EGR3: variants seen among roughly 807,000 people sequenced by gnomAD.
EGR3 encodes early growth response protein 3.
A neutral mutation model predicts 22.4 loss-of-function variants in EGR3; 4 were observed. That is an observed-to-expected ratio of 0.18 (90% CI 0.09 to 0.41). The LOEUF (loss-of-function observed/expected upper bound fraction) is 0.41, where lower values mean the gene tolerates loss of function less well. Among genes scored for constraint, EGR3 ranks in the 10% least tolerant of loss-of-function variants. The pLI, the probability that EGR3 is intolerant of heterozygous loss-of-function variation, is 1.00. For synonymous variants in EGR3, 219 were observed against 226.8 expected (o/e 0.97, Z 0.31); for missense variants, 315 against 541.3 (o/e 0.58, Z 4.15).
In EGR3 at chr8:22,692,153, C is replaced by A; in HGVS notation, c.154+638G>T. The A allele has an allele frequency of 1.5e-6, 2 of 1,377,724 alleles. No individual in the cohort carries two copies. The highest frequency in any genetic ancestry group is 1.9e-6 in the Non-Finnish European group (2 of 1,070,730). 85.3% of individuals were successfully genotyped at this position (1,377,724 alleles called of 1,614,324 possible). On this transcript the variant is annotated intron_variant, in intron 1 of 1. Transcript: ENST00000317216. This position sits in a 1 kb window ranked among gnomAD's most constrained non-coding sequence, Gnocchi z 6.2. Reference sequence around the variant, plus strand: ...GGAAAACCGGCCGGTGTCTCCATGGCGGGAGAGGCCGCCCTTCCCCAGCTC... The same window carrying A: ...GGAAAACCGGCCGGTGTCTCCATGGAGGGAGAGGCCGCCCTTCCCCAGCTC...
In EGR3 at chr8:22,692,500, T is replaced by C; in HGVS notation, c.154+291A>G. ...AACCCCAGAGCCGCTCGCACCTACC[T>C]CCCTCCGGTCGGCGGCTGCCCCCAC... is the stretch of plus-strand genomic sequence containing the variant. On this transcript the variant is annotated intron_variant, in intron 1 of 1. Coordinates refer to ENST00000317216, the MANE Select transcript of EGR3 (RefSeq NM_004430.3). The surrounding 1 kb of genome is among the most constrained non-coding windows in gnomAD (Gnocchi z 6.2). 1 of 1,407,222 alleles carries C rather than the reference T, an allele frequency of 7.1e-7. No individual in the cohort carries two copies. The allele number at this position is 1,407,222 out of a possible 1,614,324, so 87.2% of individuals were successfully genotyped here.
At chr8:22,691,986 C>G (rs375421994) in intron 1 of EGR3, 8 of 1,276,058 alleles carry the variant, frequency 6.3e-6, no homozygotes, top group East Asian at 6.2e-5. Context: ...GACGCTTTGT[C>G]CTCGGAGCGT....
At position 22,692,077 on chromosome 8, in the gene EGR3, T is replaced by C; in HGVS notation, c.155-595A>G. On this transcript the variant is annotated intron_variant, in intron 1 of 1. Coordinates refer to ENST00000317216, the MANE Select transcript of EGR3 (RefSeq NM_004430.3). This position sits in a 1 kb window ranked among gnomAD's most constrained non-coding sequence, Gnocchi z 6.2. ...CCTCGGGCATGAAGGAGCTTTAGGC[T>C]CTTGCTGGAGGGGAAAATCCTAGCC... 7.4e-7 allele frequency: 1 copy of C among 1,345,730 alleles called. No homozygotes were observed. The highest frequency in any genetic ancestry group is 3.1e-5 in the East Asian group (1 of 32,774). 83.4% of individuals were successfully genotyped at this position (1,345,730 alleles called of 1,614,324 possible).
rs1390479216 is a variant in EGR3 at position 22,692,777 on chromosome 8, C to T, written c.154+14G>A. 1 of 1,613,226 alleles carries T rather than the reference C, an allele frequency of 6.2e-7. No individual in the cohort carries two copies. Among genetic ancestry groups the T allele is most frequent in the African/African-American group, 1.3e-5 (1 of 74,902 alleles). ...TCCTTCCTCGCTGCCTCGCCGCCTC[C>T]CCGCCGCCCTTACCTGTAGCCATCT... On this transcript the variant is annotated intron_variant, in intron 1 of 1. Coordinates refer to ENST00000317216, the MANE Select transcript of EGR3 (RefSeq NM_004430.3). The surrounding 1 kb of genome is among the most constrained non-coding windows in gnomAD (Gnocchi z 6.2).
Position 22,692,841 on chromosome 8 carries a change from A to G in EGR3, c.104T>C (p.Leu35Pro). The change falls in exon 1 of 2, where the codon CTC (leucine) becomes CCC (proline). Residue 35 changes from leucine to proline, a missense_variant. Leu to Pro is a moderately conservative substitution (Grantham distance 98, BLOSUM62 -3). Around this residue, in one of 4 missense-constraint regions of EGR3, gnomAD observed 227 missense variants for 303.6 expected, o/e 0.75. Transcript: ENST00000317216. This position sits in a 1 kb window ranked among gnomAD's most constrained non-coding sequence, Gnocchi z 6.2. Reference sequence around the variant, plus strand: ...TACCGAGTCGCTGCTGCCGGAGAAGAGGTTGAGCGCGCTGGGGATCTCCTC... The same window carrying G: ...TACCGAGTCGCTGCTGCCGGAGAAGGGGTTGAGCGCGCTGGGGATCTCCTC... ...YPEEIPSALN[L>P]FSGSSDSVVH... The G allele has an allele frequency of 6.2e-7, 1 of 1,612,680 alleles. No homozygotes were observed. The highest frequency in any genetic ancestry group is 1.1e-5 in the South Asian group (1 of 91,000).
rs1187673526 is a variant in EGR3 at position 22,692,647 on chromosome 8, CTCCA to C, written c.154+140_154+143del. ...CAAAATTCCCAGCGCGCCCCCATCT[CTCCA>C]TCCATTTATCTATCCACCCATCCAC... is the stretch of plus-strand genomic sequence containing the variant. On this transcript the variant is annotated intron_variant, in intron 1 of 1. Coordinates refer to ENST00000317216, the MANE Select transcript of EGR3 (RefSeq NM_004430.3). This position sits in a 1 kb window ranked among gnomAD's most constrained non-coding sequence, Gnocchi z 6.2. 1.4e-6 allele frequency: 2 copies of C among 1,438,120 alleles called. No individual in the cohort carries two copies. Among genetic ancestry groups the C allele is most frequent in the African/African-American group, 1.4e-5 (1 of 70,236 alleles). 89.1% of individuals were successfully genotyped at this position (1,438,120 alleles called of 1,614,324 possible). A position where few individuals can be genotyped will look rare whatever the true frequency, so the allele number is the denominator to read the frequency against.
chr8:22,693,013 C>T lies in EGR3; in HGVS notation c.-69G>A, dbSNP rs1804023024. On this transcript the variant is annotated 5_prime_UTR_variant, in exon 1 of 2. The change creates a premature stop within an existing upstream ORF in the 5' untranslated region. Coordinates refer to ENST00000317216, the MANE Select transcript of EGR3 (RefSeq NM_004430.3). ...CGCCGCTCGCTCCTAACGCAGCTTC[C>T]AGGCAAGCGGCATCCGAGAGGCGAT... 6.6e-7 allele frequency: 1 copy of T among 1,521,784 alleles called. No individual in the cohort carries two copies. Among genetic ancestry groups the T allele is most frequent in the Non-Finnish European group, 8.8e-7 (1 of 1,137,400 alleles). 94.3% of individuals were successfully genotyped at this position (1,521,784 alleles called of 1,614,324 possible). A position where few individuals can be genotyped will look rare whatever the true frequency, so the allele number is the denominator to read the frequency against.
In EGR3 at chr8:22,688,794, T is replaced by C. The variant is rs1803847687; in HGVS notation, c.*1679A>G. The C allele has an allele frequency of 6.6e-6, 1 of 152,602 alleles. No individual in the cohort carries two copies. Among genetic ancestry groups the C allele is most frequent in the African/African-American group, 2.4e-5 (1 of 41,412 alleles). The allele number at this position is 152,602 out of a possible 1,614,324, so 9.5% of individuals were successfully genotyped here. The stretch of plus-strand genomic sequence containing the variant: ...CTGTGGCAGAGAGCAACCTTCCCTA[T>C]TACTCCACTTCAAAGGAGCCACCCT... On this transcript the variant is annotated 3_prime_UTR_variant, in exon 2 of 2. Coordinates refer to ENST00000317216, the MANE Select transcript of EGR3 (RefSeq NM_004430.3).
Position 22,692,356 on chromosome 8 carries a change from T to C in EGR3, c.154+435A>G. On this transcript the variant is annotated intron_variant, in intron 1 of 1. Transcript: ENST00000317216. The surrounding 1 kb of genome is among the most constrained non-coding windows in gnomAD (Gnocchi z 6.2). ...CATGGCTCCATCCCGGGTGGGAGGC[T>C]GAGGGAGTAAGGGGGGAGAGCGCGG... 6.7e-7 allele frequency: 1 copy of C among 1,498,146 alleles called. No homozygotes were observed. Among genetic ancestry groups the C allele is most frequent in the Non-Finnish European group, 8.8e-7 (1 of 1,130,412 alleles). The allele number at this position is 1,498,146 out of a possible 1,614,324, so 92.8% of individuals were successfully genotyped here. A position where few individuals can be genotyped will look rare whatever the true frequency, so the allele number is the denominator to read the frequency against.
Position 22,692,220 on chromosome 8 carries a change from C to T in EGR3, c.154+571G>A. The T allele has an allele frequency of 2.0e-5, 28 of 1,432,486 alleles. No individual in the cohort carries two copies. The highest frequency in any genetic ancestry group is 2.5e-5 in the Non-Finnish European group (28 of 1,099,434). The allele number at this position is 1,432,486 out of a possible 1,614,324, so 88.7% of individuals were successfully genotyped here. A position where few individuals can be genotyped will look rare whatever the true frequency, so the allele number is the denominator to read the frequency against. On this transcript the variant is annotated intron_variant, in intron 1 of 1. Coordinates refer to ENST00000317216, the MANE Select transcript of EGR3 (RefSeq NM_004430.3). This position sits in a 1 kb window ranked among gnomAD's most constrained non-coding sequence, Gnocchi z 6.2. ...TTCCCCGTGGCAGGCCCTCGCCCCGCGGGTGAACCCCCTCCTTCTCCCCGC... is the reference window on the plus strand; with the variant it reads ...TTCCCCGTGGCAGGCCCTCGCCCCGTGGGTGAACCCCCTCCTTCTCCCCGC...
rs1585221503 is a variant in EGR3 at position 22,690,693 on chromosome 8, C to T, written c.944G>A (p.Ser315Asn). 1 of 1,614,042 alleles carries T rather than the reference C, an allele frequency of 6.2e-7. No homozygotes were observed. The highest frequency in any genetic ancestry group is 1.3e-5 in the African/African-American group (1 of 75,070). The change falls in exon 2 of 2, where the codon AGC becomes AAC. Residue 315 changes from serine to asparagine, a missense_variant. By Grantham distance (46) the Ser-to-Asn change is conservative (BLOSUM62 1). Coordinates refer to ENST00000317216, the MANE Select transcript of EGR3 (RefSeq NM_004430.3). ...FQCRICMRSF[S>N]RSDHLTTHIR... is the part of the protein sequence containing the mutation. ...GTGAGTGGTGAGGTGGTCGCTGCGG[C>T]TGAAGCTCCGCATGCAGATCCGGCA...
Position 22,691,382 on chromosome 8 carries a change from G to A in EGR3, c.255C>T (p.Tyr85=), listed in dbSNP as rs1803950845. The change falls in exon 2 of 2, where the codon TAC becomes TAT. Residue 85 remains tyrosine, a synonymous_variant. Transcript: ENST00000317216. Reference sequence around the variant, plus strand: ...GGGAGTCGAAGGCGAACTTTCCCAAGTAGGTCACGGTCTTGTTGCCGGGGG... The same window carrying A: ...GGGAGTCGAAGGCGAACTTTCCCAAATAGGTCACGGTCTTGTTGCCGGGGG... The part of the protein sequence containing the change: ...QPAPGNKTVT[Y]LGKFAFDSPS... 5 of 1,614,194 alleles carry A rather than the reference G, an allele frequency of 3.1e-6. No individual in the cohort carries two copies. The highest frequency in any genetic ancestry group is 3.4e-6 in the Non-Finnish European group (4 of 1,180,030).
At position 22,690,740 on chromosome 8, in the gene EGR3, G is replaced by A. The variant is rs371762407; in HGVS notation, c.897C>T (p.His299=). ...SDELTRHLRI[H]TGHKPFQCRI... ...GGCACTGGAAGGGCTTGTGGCCCGT[G>A]TGGATGCGCAGGTGCCGGGTCAGCT... The change falls in exon 2 of 2, where the codon CAC becomes CAT. Residue 299 remains histidine (H), a synonymous_variant. Transcript: ENST00000317216. 2.2e-5 allele frequency: 36 copies of A among 1,614,000 alleles called. No individual in the cohort carries two copies. In the African/African-American group the frequency reaches 4.0e-4, roughly 18 times the overall value.
chr8:22,690,620 C>T lies in EGR3; in HGVS notation c.1017G>A (p.Gly339=), dbSNP rs200707775. The T allele has an allele frequency of 5.5e-5, 89 of 1,613,972 alleles. No individual in the cohort carries two copies. The highest frequency in any genetic ancestry group is 2.2e-4 in the East Asian group (10 of 44,888). Residue 339 remains glycine (G), a synonymous_variant, in exon 2 of 2, where the codon GGG becomes GGA. Transcript: ENST00000317216. ...GEKPFACEFC[G]RKFARSDERK... ...GCTCGTCGCTGCGCGCAAACTTGCGCCCGCAGAACTCGCAGGCAAAGGGCT... is the reference window on the plus strand; with the variant it reads ...GCTCGTCGCTGCGCGCAAACTTGCGTCCGCAGAACTCGCAGGCAAAGGGCT...
At position 22,690,796 on chromosome 8, in the gene EGR3, C is replaced by T; in HGVS notation, c.841G>A (p.Gly281Ser). ...GAACGGCTGAAACGGCGGTCGCAGCCCTCGGCCGGGCACGCGTGGGGCCGT... is the reference window on the plus strand; with the variant it reads ...GAACGGCTGAAACGGCGGTCGCAGCTCTCGGCCGGGCACGCGTGGGGCCGT... ...HERPHACPAE[G>S]CDRRFSRSDE... The change falls in exon 2 of 2, where the codon GGC becomes AGC. Residue 281 changes from glycine to serine, a missense_variant. Physicochemically the swap from Gly to Ser is moderately conservative, Grantham distance 56. Coordinates refer to ENST00000317216, the MANE Select transcript of EGR3 (RefSeq NM_004430.3). 6 of 1,612,932 alleles carry T rather than the reference C, an allele frequency of 3.7e-6. No homozygotes were observed. Among genetic ancestry groups the T allele is most frequent in the Non-Finnish European group, 5.1e-6 (6 of 1,179,232 alleles).
chr8:22,692,336 C>T lies in EGR3; in HGVS notation c.154+455G>A, dbSNP rs1202090940. 2.0e-6 allele frequency: 3 copies of T among 1,510,012 alleles called. No individual in the cohort carries two copies. The highest frequency in any genetic ancestry group is 2.6e-6 in the Non-Finnish European group (3 of 1,137,026). The allele number at this position is 1,510,012 out of a possible 1,614,324, so 93.5% of individuals were successfully genotyped here. ...CGCGGGGACTCCACGCCGCACATGG[C>T]TCCATCCCGGGTGGGAGGCTGAGGG... On this transcript the variant is annotated intron_variant, in intron 1 of 1. Transcript: ENST00000317216. The surrounding 1 kb of genome is among the most constrained non-coding windows in gnomAD (Gnocchi z 6.2).
Position 22,691,221 on chromosome 8 carries a change from G to A in EGR3, c.416C>T (p.Ala139Val). 1.2e-6 allele frequency: 2 copies of A among 1,613,984 alleles called. No individual in the cohort carries two copies. Among genetic ancestry groups the A allele is most frequent in the South Asian group, 1.1e-5 (1 of 91,082 alleles). Residue 139 changes from alanine (A) to valine (V), a missense_variant, in exon 2 of 2, where the codon GCC (alanine) becomes GTC (valine). Physicochemically the swap from Ala to Val is moderately conservative, Grantham distance 64 (BLOSUM62 0). Coordinates refer to ENST00000317216, the MANE Select transcript of EGR3 (RefSeq NM_004430.3). ...MVQPPQGDVE[A>V]MYPALPPYSN... Reference sequence around the variant, plus strand: ...GTAGGGGGGTAGCGCGGGATACATGGCCTCCACGTCACCCTGCGGTGGCTG... The same window carrying A: ...GTAGGGGGGTAGCGCGGGATACATGACCTCCACGTCACCCTGCGGTGGCTG...
chr8:22,691,306 A>G lies in EGR3; in HGVS notation c.331T>C (p.Leu111=). 3.7e-6 allele frequency: 6 copies of G among 1,614,012 alleles called. No individual in the cohort carries two copies. The highest frequency in any genetic ancestry group is 5.1e-6 in the Non-Finnish European group (6 of 1,180,016). ...NIISLMSAGI[L]GVPPASGALS... is the part of the protein sequence containing the mutation. ...GCCCCTGAAGCCGGGGGCACCCCCA[A>G]GATGCCGGCGCTCATGAGGCTAATG... The change falls in exon 2 of 2, where the codon TTG becomes CTG. Residue 111 remains leucine (L), a synonymous_variant. Coordinates refer to ENST00000317216, the MANE Select transcript of EGR3 (RefSeq NM_004430.3).
chr8:22,691,583 T>C, intron 1 of EGR3, 101 bp from the exon 2 acceptor site: 2 of 1,507,892 alleles, frequency 1.3e-6, no homozygotes, highest in Non-Finnish European at 1.8e-6. Context: ...TGCGGCCGGG[T>C]GGAGTGCGTA....
Sources: gnomAD v4.1 joint callset for allele counts on GRCh38, gnomAD v4.1.1 for gene constraint, gnomAD v4.1.1 regional missense constraint, Gnocchi (gnomAD v3.1) non-coding constraint, MANE v1.5 for transcripts, NCBI Gene and HGNC (gene_info 2026-07-23, HGNC 2026-07-21) for gene names.